The following TTC28 variants were observed in gnomAD, a reference collection of about 807,000 sequenced individuals.
TTC28 encodes tetratricopeptide repeat protein 28.
In TTC28, 61 loss-of-function variants were observed where a neutral mutation model predicts 198.0. That is an observed-to-expected ratio of 0.31 (90% CI 0.25 to 0.38). TTC28 has a LOEUF of 0.38. TTC28 is among the 10% of genes least tolerant of loss of function. The pLI is 1.00. For missense variants in TTC28, 2,678 were observed against 3,164.0 expected (o/e 0.85, Z 3.69); for synonymous variants, 1,171 against 1,297.8 (o/e 0.90, Z 2.10).
intron 2 of TTC28, among the ~76,000 whole-genome samples, chr22:28,466,810 TATAC>T (rs1206194473): frequency 1.4e-4 from 16 of 117,856 alleles, no homozygotes; most frequent in African/African-American, 5.4e-4. Flanking sequence ...TCTCACATTA[TATAC>T]ATACATACAC....
chr22:28,264,061 T>C (rs534870801), intron 5 of TTC28, among the ~76,000 whole-genome samples: 10 of 152,216 alleles, frequency 6.6e-5, no homozygotes, highest in African/African-American at 2.2e-4. Context: ...GCTTTGGCCA[T>C]GTGATATGGT....
chr22:28,591,653 T>G (rs537689315), intron 2 of TTC28, among the ~76,000 whole-genome samples: 1 of 152,312 alleles, frequency 6.6e-6, no homozygotes, highest in South Asian at 2.1e-4. Context: ...CCCAGTTCCC[T>G]CCAATGGTTT....
intron 2 of TTC28, among the ~76,000 whole-genome samples, chr22:28,537,060 G>A (rs4353746): frequency 1.3e-5 from 2 of 151,774 alleles, no homozygotes; most frequent in East Asian, 1.9e-4. Flanking sequence ...TCGGGAGGCC[G>A]AGGCAGGCGG....
intron 2 of TTC28, among the ~76,000 whole-genome samples, chr22:28,533,657 C>G (rs1250549596): frequency 2.6e-5 from 4 of 152,312 alleles, no homozygotes; most frequent in Middle Eastern, 3.4e-3. Flanking sequence ...TGACTTCAAA[C>G]TATACTACAA....
chr22:28,582,870 G>T lies in TTC28; in HGVS notation c.381+46682C>A, dbSNP rs142566858. ...ATGAGAAATGATCAGTATAATGGGG[G>T]TTCCTACAGCACATGGGTACATTCC... is the stretch of plus-strand genomic sequence containing the variant. On this transcript the variant is annotated intron_variant, in intron 2 of 22. Coordinates refer to ENST00000397906, the MANE Select transcript of TTC28 (RefSeq NM_001145418.2). Among the ~76,000 whole-genome samples the T allele has an allele frequency of 3.3e-4, 50 of 152,264 alleles. No homozygotes were observed. The East Asian group carries it at 7.3e-3, about 22-fold the overall frequency.
chr22:28,387,199 T>C (rs1261843885), intron 2 of TTC28, among the ~76,000 whole-genome samples: 3 of 152,230 alleles, frequency 2.0e-5, no homozygotes, highest in Non-Finnish European at 4.4e-5. Context: ...CTGCATAGTA[T>C]TCCATGGTGT....
intron 5 of TTC28, among the ~76,000 whole-genome samples, chr22:28,165,345 T>C (rs959886160): frequency 1.3e-5 from 2 of 152,018 alleles, no homozygotes; most frequent in African/African-American, 4.8e-5. Context: ...AAGATACTCC[T>C]CGAGAAGAGC....
chr22:28,370,711 T>TAG (rs1178402712), intron 2 of TTC28, among the ~76,000 whole-genome samples: 1 of 151,912 alleles, frequency 6.6e-6, no homozygotes, highest in Non-Finnish European at 1.5e-5. Flanking sequence ...AAGAGAGTAG[T>TAG]AGAGAGAGAG....
rs546089449 is a variant in TTC28, at chr22:28,133,879, C to T, written c.1442-25476G>A. ...AGAGAGTAGTGGTTCTCCCAGCACG[C>T]AGCTTGAGATCTGAGAGCGGACAGA... On this transcript the variant is annotated intron_variant, in intron 6 of 22. Coordinates refer to ENST00000397906, the MANE Select transcript of TTC28 (RefSeq NM_001145418.2). Among the ~76,000 whole-genome samples the T allele has an allele frequency of 1.3e-3, 192 of 152,346 alleles. 1 individual carries two copies. Among genetic ancestry groups the T allele is most frequent in the Admixed American group, 2.4e-3 (37 of 15,308 alleles).
intron 2 of TTC28, among the ~76,000 whole-genome samples, chr22:28,485,194 G>A (rs957207929): frequency 6.6e-6 from 1 of 152,132 alleles, no homozygotes; most frequent in African/African-American, 2.4e-5. Flanking sequence ...AAAATTAGAA[G>A]AGACTACAAA....
At chr22:28,243,653 C>T (rs181184825) in intron 5 of TTC28, among the ~76,000 whole-genome samples, 1 of 152,032 alleles carries the variant, frequency 6.6e-6, no homozygotes, top group Admixed American at 6.6e-5. Flanking sequence ...TTTTAGAGAA[C>T]GTGGATTAGA....
chr22:28,591,712 T>C (rs1176817684), intron 2 of TTC28, among the ~76,000 whole-genome samples: 2 of 152,166 alleles, frequency 1.3e-5, no homozygotes, highest in African/African-American at 2.4e-5. Flanking sequence ...TTCACATTGG[T>C]TTCTATACCT....
chr22:28,419,453 T>C (rs567241134), intron 2 of TTC28, among the ~76,000 whole-genome samples: 1 of 152,318 alleles, frequency 6.6e-6, no homozygotes, highest in East Asian at 1.9e-4. Context: ...CTGTATCCAT[T>C]CCAGCCCTAA....
chr22:28,247,827 G>A (rs1400243386), intron 5 of TTC28, among the ~76,000 whole-genome samples: 1 of 152,170 alleles, frequency 6.6e-6, no homozygotes, highest in East Asian at 1.9e-4. Context: ...ATAACAGAAG[G>A]GGATGAGGCT....
intron 2 of TTC28, among the ~76,000 whole-genome samples, chr22:28,542,548 T>C (rs890114227): frequency 2.0e-5 from 3 of 152,152 alleles, no homozygotes; most frequent in Non-Finnish European, 2.9e-5. Flanking sequence ...ATGGTTAAAA[T>C]GTTCAATTCT....
At chr22:28,067,323 C>T (rs1601582860) in intron 12 of TTC28, among the ~76,000 whole-genome samples, 1 of 152,178 alleles carries the variant, frequency 6.6e-6, no homozygotes, top group East Asian at 1.9e-4. Flanking sequence ...AGCCCCAATA[C>T]TCAGCAGAGG....
At chr22:28,579,491 A>G (rs2050201793) in intron 2 of TTC28, among the ~76,000 whole-genome samples, 1 of 148,716 alleles carries the variant, frequency 6.7e-6, no homozygotes, top group Non-Finnish European at 1.5e-5. Flanking sequence ...ATATAGTTAT[A>G]TGTATAGTTA....
At chr22:28,034,168 T>C (rs1198205557) in intron 12 of TTC28, among the ~76,000 whole-genome samples, 1 of 152,046 alleles carries the variant, frequency 6.6e-6, no homozygotes, top group Non-Finnish European at 1.5e-5. Flanking sequence ...GAAGAAACAA[T>C]AGAGACACAT....
chr22:28,165,445 A>T (rs912178402), intron 5 of TTC28, among the ~76,000 whole-genome samples: 1 of 151,734 alleles, frequency 6.6e-6, no homozygotes, highest in Non-Finnish European at 1.5e-5. Context: ...CGGGTTACCC[A>T]CAAAGGGAAG....
Sources: gnomAD v4.1 joint callset for allele counts (sites outside exome capture counted in the v4.1 genomes callset) on GRCh38, gnomAD v4.1.1 for gene constraint, MANE v1.5 for transcripts, NCBI Gene and HGNC (gene_info 2026-07-23, HGNC 2026-07-21) for gene names.